The following E2F3 variants were observed in gnomAD, a reference collection of about 807,000 sequenced individuals.
E2F3 encodes transcription factor E2F3.
A neutral mutation model predicts 44.4 loss-of-function variants in E2F3; 11 were observed. The observed-to-expected ratio is 0.25, with a 90% confidence interval of 0.16 to 0.41. The LOEUF (loss-of-function observed/expected upper bound fraction) is 0.41, where lower values mean the gene tolerates loss of function less well. Among genes scored for constraint, E2F3 ranks in the 10% least tolerant of loss-of-function variants. The probability of loss-of-function intolerance (pLI) is 1.00; values close to 1 mark genes in which losing one functional copy is unlikely to be tolerated. For synonymous variants in E2F3, 249 were observed against 253.0 expected, an observed-to-expected ratio of 0.98 and a Z score of 0.15; for missense variants, 487 against 583.6, an observed-to-expected ratio of 0.83 and a Z score of 1.70.
intron 1 of E2F3, among the ~76,000 whole-genome samples, chr6:20,411,339 G>A (rs1233821517): frequency 2.0e-5 from 3 of 151,974 alleles, no homozygotes; most frequent in African/African-American, 4.8e-5. Flanking sequence ...AAGGCAGGGC[G>A]GGGGGTTGTC....
chr6:20,424,210 G>GGTGTGTGTGT (rs57286350), intron 1 of E2F3, among the ~76,000 whole-genome samples: 1,916 of 136,914 alleles, frequency 0.014, 20 homozygotes, highest in Non-Finnish European at 0.021. Flanking sequence ...TCAGTGGAAG[G>GGTGTGTGTGT]GTGTGTGTGT....
chr6:20,411,127 C>A (rs992047547), intron 1 of E2F3, among the ~76,000 whole-genome samples: 4 of 152,210 alleles, frequency 2.6e-5, no homozygotes, highest in African/African-American at 9.7e-5. Flanking sequence ...GTAGTGCTAT[C>A]AGTAGTGATA....
chr6:20,476,186 A>G (rs1762037972), intron 1 of E2F3, among the ~76,000 whole-genome samples: 1 of 152,104 alleles, frequency 6.6e-6, no homozygotes, highest in Non-Finnish European at 1.5e-5. Flanking sequence ...CCTGGCTAAC[A>G]TGGTGAAACC....
chr6:20,449,471 C>G (rs1012411661), intron 1 of E2F3, among the ~76,000 whole-genome samples: 5 of 152,176 alleles, frequency 3.3e-5, no homozygotes, highest in African/African-American at 1.2e-4. Flanking sequence ...TTTCAATCTT[C>G]TGCTATTATG....
chr6:20,492,966 G>T lies in E2F3; in HGVS notation c.*2536G>T, dbSNP rs1267394354. On this transcript the variant is annotated 3_prime_UTR_variant, in exon 7 of 7. Coordinates refer to ENST00000346618, the MANE Select transcript of E2F3 (RefSeq NM_001949.5). ...CACGAAATGGCTAAAAGTTACAAGT[G>T]TGCAAATTATGACTGCGTGAGCCTT... is the stretch of plus-strand genomic sequence containing the variant. The T allele has an allele frequency of 9.3e-6, 2 of 215,646 alleles. No homozygotes were observed. Among genetic ancestry groups the T allele is most frequent in the East Asian group, 6.9e-5 (1 of 14,520 alleles). 13.4% of individuals were successfully genotyped at this position (215,646 alleles called of 1,614,324 possible). A position where few individuals can be genotyped will look rare whatever the true frequency, so the allele number is the denominator to read the frequency against.
At chr6:20,420,619 G>A (rs1759994982) in intron 1 of E2F3, among the ~76,000 whole-genome samples, 2 of 152,200 alleles carry the variant, frequency 1.3e-5, no homozygotes, top group South Asian at 2.1e-4. Flanking sequence ...GTGGGCAACA[G>A]CATTATATCA....
chr6:20,439,860 T>C (rs995053805), intron 1 of E2F3: 6 of 152,204 alleles, frequency 3.9e-5, no homozygotes, highest in African/African-American at 1.4e-4. Context: ...AAAAAGAGAA[T>C]TCATACTTCA....
intron 1 of E2F3, among the ~76,000 whole-genome samples, chr6:20,458,900 A>C (rs535133525): frequency 6.6e-6 from 1 of 152,272 alleles, no homozygotes; most frequent in Admixed American, 6.5e-5. Flanking sequence ...TCCTGTATTT[A>C]GCTTGTCAGG....
intron 1 of E2F3, among the ~76,000 whole-genome samples, chr6:20,420,355 T>A (rs991600442): frequency 2.0e-5 from 3 of 152,214 alleles, no homozygotes; most frequent in Non-Finnish European, 4.4e-5. Flanking sequence ...GAATTCTTTA[T>A]CATTTTTGTG....
At chr6:20,488,929 G>A (rs1436687484) in intron 6 of E2F3, among the ~76,000 whole-genome samples, 1 of 152,112 alleles carries the variant, frequency 6.6e-6, no homozygotes, top group Non-Finnish European at 1.5e-5. Context: ...GGGAGTCGGA[G>A]GTTGCAGTGA....
intron 1 of E2F3, among the ~76,000 whole-genome samples, chr6:20,441,628 G>A (rs910650905): frequency 6.6e-6 from 1 of 151,842 alleles, no homozygotes; most frequent in African/African-American, 2.4e-5. Flanking sequence ...AGGCTGGAGT[G>A]TAGTGGCATG....
At chr6:20,441,997 C>A (rs1390485438) in intron 1 of E2F3, among the ~76,000 whole-genome samples, 1 of 144,320 alleles carries the variant, frequency 6.9e-6, no homozygotes, top group African/African-American at 2.5e-5. Flanking sequence ...GTCACCCAAC[C>A]TTTTTTTTTT....
chr6:20,489,421 T>A (rs1762493020), intron 6 of E2F3, among the ~76,000 whole-genome samples: 2 of 150,756 alleles, frequency 1.3e-5, no homozygotes, highest in Non-Finnish European at 3.0e-5. Context: ...TATGCTTGCC[T>A]GTGAATAGCC....
intron 1 of E2F3, among the ~76,000 whole-genome samples, chr6:20,448,425 G>A (rs1204917333): frequency 6.6e-6 from 1 of 152,096 alleles, no homozygotes; most frequent in Non-Finnish European, 1.5e-5. Flanking sequence ...CATGTGCCCA[G>A]AGGAAGTTAA....
chr6:20,405,746 C>T (rs1283025451), intron 1 of E2F3, among the ~76,000 whole-genome samples: 3 of 151,752 alleles, frequency 2.0e-5, no homozygotes, highest in Non-Finnish European at 4.4e-5. Flanking sequence ...TCGCTTGACC[C>T]TGGGAAGCGG....
chr6:20,462,859 CTTTTTTTTTTTTTTTTTTTTTTT>C (rs780366667), intron 1 of E2F3, among the ~76,000 whole-genome samples: 9 of 48,810 alleles, frequency 1.8e-4, no homozygotes, highest in Admixed American at 3.7e-4. Flanking sequence ...CTCTCTCTCT[CTTTTTTTTTTTTTTTTTTTTTTT>C]TTTTTTTTTT....
At chr6:20,418,286 A>G (rs1315971965) in intron 1 of E2F3, among the ~76,000 whole-genome samples, 1 of 152,240 alleles carries the variant, frequency 6.6e-6, no homozygotes, top group African/African-American at 2.4e-5. Context: ...AGATGGAACT[A>G]GAGATGCATT....
intron 4 of E2F3, 36 bp downstream of exon 4, chr6:20,482,956 G>T: frequency 6.2e-7 from 1 of 1,611,566 alleles, no homozygotes; most frequent in South Asian, 1.1e-5. Context: ...GGGGGTTAGT[G>T]CTTCCTAGAC....
Position 20,491,420 on chromosome 6 carries a change from G to A in E2F3, c.*990G>A, listed in dbSNP as rs552061012. On this transcript the variant is annotated 3_prime_UTR_variant, in exon 7 of 7. Transcript: ENST00000346618. ...TTTATCAGCCTCTGCAAGGAGCTTT[G>A]TCCCATCGTGCTTCCATTCCCAGGA... is the stretch of plus-strand genomic sequence containing the variant. 5.3e-5 allele frequency: 12 copies of A among 225,026 alleles called. 1 individual carries two copies. The highest frequency in any genetic ancestry group is 1.8e-4 in the African/African-American group (8 of 44,882). The allele number at this position is 225,026 out of a possible 1,614,324, so 13.9% of individuals were successfully genotyped here.
Sources: gnomAD v4.1 joint callset for allele counts (sites outside exome capture counted in the v4.1 genomes callset) on GRCh38, gnomAD v4.1.1 for gene constraint, MANE v1.5 for transcripts, NCBI Gene and HGNC (gene_info 2026-07-23, HGNC 2026-07-21) for gene names.